The following DYNC1LI1 variants were observed in gnomAD, a reference collection of about 807,000 sequenced individuals.
DYNC1LI1 encodes the protein cytoplasmic dynein 1 light intermediate chain 1.
DYNC1LI1 carries 19 observed loss-of-function variants against 63.8 expected under a neutral mutation model. The ratio of observed to expected loss-of-function variants is 0.30; its 90% CI spans 0.21 to 0.44. The LOEUF is 0.44. Ranked by LOEUF, DYNC1LI1 falls within the 20% of genes least tolerant of loss-of-function variation. The pLI, the probability that DYNC1LI1 is intolerant of heterozygous loss-of-function variation, is 1.00. For missense variants in DYNC1LI1, 565 were observed against 630.2 expected, an observed-to-expected ratio of 0.90 and a Z score of 1.11; for synonymous variants, 225 against 232.3, an observed-to-expected ratio of 0.97 and a Z score of 0.28.
chr3:32,537,826 C>A (rs2125433067), intron 5 of DYNC1LI1, among the ~76,000 whole-genome samples: 1 of 128,250 alleles, frequency 7.8e-6, no homozygotes, highest in South Asian at 2.3e-4. Context: ...GGTCATTACA[C>A]CTAATATTAG....
rs866485548 is a variant in DYNC1LI1 at position 32,526,310 on chromosome 3, C to T, written c.*489G>A. The T allele has an allele frequency of 6.5e-6, 1 of 153,014 alleles. No individual in the cohort carries two copies. The highest frequency in any genetic ancestry group is 1.5e-5 in the Non-Finnish European group (1 of 68,362). 9.5% of individuals were successfully genotyped at this position (153,014 alleles called of 1,614,324 possible). A position where few individuals can be genotyped will look rare whatever the true frequency, so the allele number is the denominator to read the frequency against. Reference sequence around the variant, plus strand: ...TTAGCATATTCCGTGTGTGGTGGTACATTTATTGTGGTGTGCAAAATCTGA... The same window carrying T: ...TTAGCATATTCCGTGTGTGGTGGTATATTTATTGTGGTGTGCAAAATCTGA... On this transcript the variant is annotated 3_prime_UTR_variant, in exon 13 of 13. Coordinates refer to ENST00000273130, the MANE Select transcript of DYNC1LI1 (RefSeq NM_016141.4).
intron 2 of DYNC1LI1, among the ~76,000 whole-genome samples, chr3:32,562,240 G>T (rs1271997232): frequency 2.0e-5 from 3 of 152,012 alleles, no homozygotes; most frequent in African/African-American, 7.3e-5. Flanking sequence ...TCCAGCCTGG[G>T]GAACAGAGCA....
In DYNC1LI1 at chr3:32,536,992, A is replaced by T; in HGVS notation, c.832+19T>A. On this transcript the variant is annotated intron_variant, in intron 6 of 12. Transcript: ENST00000273130. ...GGTAAAGTGATACACTGAATCAATA[A>T]ATGTATTTAAAAGGATACACTGTAA... is the stretch of plus-strand genomic sequence containing the variant. 1.5e-6 allele frequency: 2 copies of T among 1,361,456 alleles called. No individual in the cohort carries two copies. The highest frequency in any genetic ancestry group is 2.1e-6 in the Non-Finnish European group (2 of 971,124). The allele number at this position is 1,361,456 out of a possible 1,614,324, so 84.3% of individuals were successfully genotyped here. A position where few individuals can be genotyped will look rare whatever the true frequency, so the allele number is the denominator to read the frequency against.
intron 2 of DYNC1LI1, among the ~76,000 whole-genome samples, chr3:32,560,873 A>C (rs1480412164): frequency 2.0e-5 from 3 of 151,550 alleles, no homozygotes; most frequent in African/African-American, 7.3e-5. Flanking sequence ...GTGGTGGCTC[A>C]TGCCTGCAAT....
chr3:32,570,502 G>T, intron 1 of DYNC1LI1, 83 bp from the exon 2 acceptor site: 1 of 1,479,218 alleles, frequency 6.8e-7, no homozygotes, highest in Non-Finnish European at 9.0e-7. Context: ...GCGCGCCGGG[G>T]ATGGGGCTGC....
At chr3:32,567,412 T>G (rs1472626710) in intron 2 of DYNC1LI1, among the ~76,000 whole-genome samples, 1 of 152,182 alleles carries the variant, frequency 6.6e-6, no homozygotes, top group Admixed American at 6.5e-5. Context: ...TGTGGCAAGC[T>G]AAACTGCAAT....
chr3:32,564,630 TTAG>T (rs1698235626), intron 2 of DYNC1LI1, among the ~76,000 whole-genome samples: 2 of 152,240 alleles, frequency 1.3e-5, no homozygotes, highest in African/African-American at 4.8e-5. Context: ...TGGTGTATTT[TTAG>T]TAGTAGTAAC....
intron 2 of DYNC1LI1, among the ~76,000 whole-genome samples, chr3:32,550,427 G>A (rs1364585675): frequency 2.0e-5 from 3 of 152,078 alleles, no homozygotes; most frequent in African/African-American, 4.8e-5. Flanking sequence ...GTGAAACTCC[G>A]TCTCAAAACA....
intron 10 of DYNC1LI1, 86 bp from the exon 11 acceptor site, chr3:32,529,746 CA>C (rs1259271422): frequency 5.0e-6 from 6 of 1,194,176 alleles, no homozygotes; most frequent in Admixed American, 2.6e-5. Flanking sequence ...AATTACTTTG[CA>C]ACTATCCCCT....
At chr3:32,540,917 G>T (rs1029004679) in intron 5 of DYNC1LI1, 120 bp downstream of exon 5, 5 of 638,188 alleles carry the variant, frequency 7.8e-6, no homozygotes, top group African/African-American at 7.5e-5. Context: ...ACTATTATTT[G>T]TTTGTTAACA....
Position 32,528,492 on chromosome 3 carries a change from C to T in DYNC1LI1, c.1416G>A (p.Gly472=). ...PGVSGGSPAG[G]AGGGSSGLPP... is the part of the protein sequence containing the mutation. Reference sequence around the variant, plus strand: ...GTAAACCACTGCTTCCACCTCCAGCCCCACCTGCAGGGCTACCACCACTCA... The same window carrying T: ...GTAAACCACTGCTTCCACCTCCAGCTCCACCTGCAGGGCTACCACCACTCA... The change falls in exon 12 of 13, where the codon GGG becomes GGA. Residue 472 remains glycine (G), a synonymous_variant. Coordinates refer to ENST00000273130, the MANE Select transcript of DYNC1LI1 (RefSeq NM_016141.4). The T allele has an allele frequency of 6.2e-7, 1 of 1,614,128 alleles. No individual in the cohort carries two copies. Among genetic ancestry groups the T allele is most frequent in the Non-Finnish European group, 8.5e-7 (1 of 1,180,012 alleles).
intron 2 of DYNC1LI1, among the ~76,000 whole-genome samples, chr3:32,549,277 C>CA (rs201686152): frequency 1.0e-3 from 150 of 146,368 alleles, no homozygotes; most frequent in East Asian, 5.9e-4. Flanking sequence ...AACTATAAGC[C>CA]AAAAAAAATA....
chr3:32,570,497 C>T, intron 1 of DYNC1LI1, 78 bp from the exon 2 acceptor site: 2 of 1,484,208 alleles, frequency 1.3e-6, no homozygotes, highest in Non-Finnish European at 1.8e-6. Context: ...CCTCGGCGCG[C>T]CGGGGATGGG....
chr3:32,564,763 A>G (rs187287696), intron 2 of DYNC1LI1, among the ~76,000 whole-genome samples: 4 of 152,356 alleles, frequency 2.6e-5, no homozygotes, highest in Admixed American at 1.3e-4. Flanking sequence ...AGAAAACAGC[A>G]TAACTCATGG....
At chr3:32,541,332 G>C (rs915489221) in intron 4 of DYNC1LI1, 126 bp from the exon 5 acceptor site, 13 of 621,368 alleles carry the variant, frequency 2.1e-5, no homozygotes, top group African/African-American at 1.9e-4. Context: ...GAAACAAAAA[G>C]GGTTTGAGAA....
intron 2 of DYNC1LI1, among the ~76,000 whole-genome samples, chr3:32,567,421 A>C (rs535958971): frequency 2.6e-5 from 4 of 152,102 alleles, no homozygotes; most frequent in Admixed American, 1.3e-4. Context: ...CTAAACTGCA[A>C]TTTGTGTGTG....
rs1032453425 is a variant in DYNC1LI1, at chr3:32,526,031, AAAC to A, written c.*765_*767del. The stretch of plus-strand genomic sequence containing the variant: ...TTAACTGATTACAGTTGAAAGTCAC[AAAC>A]AAAAAAGGGGGTATATTAAGGCAAA... On this transcript the variant is annotated 3_prime_UTR_variant, in exon 13 of 13. Coordinates refer to ENST00000273130, the MANE Select transcript of DYNC1LI1 (RefSeq NM_016141.4). 2 of 152,476 alleles carry A rather than the reference AAAC, an allele frequency of 1.3e-5. No individual in the cohort carries two copies. The highest frequency in any genetic ancestry group is 4.8e-5 in the African/African-American group (2 of 41,354). 9.4% of individuals were successfully genotyped at this position (152,476 alleles called of 1,614,324 possible). A position where few individuals can be genotyped will look rare whatever the true frequency, so the allele number is the denominator to read the frequency against.
In DYNC1LI1 at chr3:32,556,376, C is replaced by T. The variant is rs115214722; in HGVS notation, c.221-10411G>A. Among the ~76,000 whole-genome samples the T allele has an allele frequency of 6.4e-3, 972 of 152,270 alleles. 8 individuals carry two copies. Among genetic ancestry groups the T allele is most frequent in the African/African-American group, 0.022 (923 of 41,556 alleles). On this transcript the variant is annotated intron_variant, in intron 2 of 12. Transcript: ENST00000273130. Reference sequence around the variant, plus strand: ...CAGTCTATAAGTGTGTCAGGTATGTCCCCCACATTCAACGAATACTCTTCA... The same window carrying T: ...CAGTCTATAAGTGTGTCAGGTATGTTCCCCACATTCAACGAATACTCTTCA...
intron 5 of DYNC1LI1, among the ~76,000 whole-genome samples, chr3:32,538,076 T>C (rs1366439139): frequency 1.1e-5 from 1 of 91,138 alleles, no homozygotes; most frequent in Non-Finnish European, 2.1e-5. Flanking sequence ...ATTATATATA[T>C]ATATAAAATT....
Sources: gnomAD v4.1 joint callset for allele counts (sites outside exome capture counted in the v4.1 genomes callset) on GRCh38, gnomAD v4.1.1 for gene constraint, MANE v1.5 for transcripts, NCBI Gene and HGNC (gene_info 2026-07-23, HGNC 2026-07-21) for gene names.